The following ANO2 variants were observed in gnomAD, a reference collection of about 807,000 sequenced individuals.
The protein encoded by ANO2 is anoctamin 2.
A neutral mutation model predicts 124.2 loss-of-function variants in ANO2; 101 were observed. The observed-to-expected ratio is 0.81, with a 90% CI of 0.69 to 0.96. The LOEUF (loss-of-function observed/expected upper bound fraction) is 0.96, where lower values mean the gene tolerates loss of function less well. ANO2 is among the 40% of genes least tolerant of loss of function. The pLI, the probability that ANO2 is intolerant of heterozygous loss-of-function variation, is 0.00. For missense variants in ANO2, 1,293 were observed against 1,274.5 expected, an observed-to-expected ratio of 1.01 and a Z score of -0.22; for synonymous variants, 486 against 482.5, an observed-to-expected ratio of 1.01 and a Z score of -0.09.
chr12:5,804,339 T>C (rs1346440454), intron 9 of ANO2, among the ~76,000 whole-genome samples: 1 of 152,182 alleles, frequency 6.6e-6, no homozygotes, highest in Admixed American at 6.5e-5. Context: ...CAGCACTAGC[T>C]GGGATTTGGA....
At chr12:5,945,701 G>A (rs1406422898), upstream of ANO2, among the ~76,000 whole-genome samples, 1 of 152,270 alleles carries the variant, frequency 6.6e-6, no homozygotes, top group Non-Finnish European at 1.5e-5. Flanking sequence ...GGGAGTGGGG[G>A]CGAGCCCCTG....
intron 10 of ANO2, among the ~76,000 whole-genome samples, chr12:5,788,068 G>A (rs1952587501): frequency 6.6e-6 from 1 of 152,186 alleles, no homozygotes; most frequent in Non-Finnish European, 1.5e-5. Context: ...GATGTCAGCA[G>A]GTACCGCAAG....
At chr12:5,873,208 T>TCTCTCG (rs1937836355) in intron 3 of ANO2, among the ~76,000 whole-genome samples, 1 of 57,262 alleles carries the variant, frequency 1.7e-5, no homozygotes, top group Non-Finnish European at 5.0e-5. Context: ...TCTCTCTCTC[T>TCTCTCG]CTCTCTCTCT....
At chr12:5,898,060 AT>A (rs949657286) in intron 3 of ANO2, among the ~76,000 whole-genome samples, 2 of 152,158 alleles carry the variant, frequency 1.3e-5, no homozygotes, top group African/African-American at 4.8e-5. Context: ...GAGACAACCC[AT>A]TTTTTTAATG....
chr12:5,843,361 C>A (rs1397206855), intron 4 of ANO2, among the ~76,000 whole-genome samples: 3 of 151,992 alleles, frequency 2.0e-5, no homozygotes, highest in East Asian at 3.9e-4. Context: ...ACCAGCCTGG[C>A]CAACATGGTG....
intron 10 of ANO2, among the ~76,000 whole-genome samples, chr12:5,796,326 T>A (rs1952846803): frequency 6.8e-6 from 1 of 146,220 alleles, no homozygotes; most frequent in Non-Finnish European, 1.5e-5. Context: ...CTGCTCACAC[T>A]CACACACTCA....
At chr12:5,874,808 A>C (rs1591725729) in intron 3 of ANO2, among the ~76,000 whole-genome samples, 1 of 152,176 alleles carries the variant, frequency 6.6e-6, no homozygotes, top group South Asian at 2.1e-4. Flanking sequence ...TGGAACTCTT[A>C]CCTGCCGACC....
At chr12:5,803,062 T>C (rs563503191) in intron 9 of ANO2, among the ~76,000 whole-genome samples, 5 of 152,308 alleles carry the variant, frequency 3.3e-5, no homozygotes, top group African/African-American at 1.2e-4. Flanking sequence ...TGAAGGTGTG[T>C]GGGACTCATG....
chr12:5,675,310 C>T (rs1023777321), intron 14 of ANO2, among the ~76,000 whole-genome samples: 1 of 152,188 alleles, frequency 6.6e-6, no homozygotes, highest in Non-Finnish European at 1.5e-5. Context: ...CTCTTCCCAT[C>T]GTGCTTCCAT....
chr12:5,781,030 T>A (rs1565663997), intron 10 of ANO2, among the ~76,000 whole-genome samples: 1 of 152,310 alleles, frequency 6.6e-6, no homozygotes, highest in East Asian at 1.9e-4. Context: ...GTGTGAGAGT[T>A]TTGTCTTACT....
At position 5,616,194 on chromosome 12, in the gene ANO2, A is replaced by G. The variant is rs74056070; in HGVS notation, c.1817-897T>C. Among the ~76,000 whole-genome samples, 702 of 152,316 alleles carry G rather than the reference A, an allele frequency of 4.6e-3. 5 individuals are homozygous for G. The highest frequency in any genetic ancestry group is 0.015 in the African/African-American group (623 of 41,574). On this transcript the variant is annotated intron_variant, in intron 16 of 24. Transcript: ENST00000682330. ...GGGATGCTATAACAAGCTACCATAA[A>G]CTGAGTGTTCAAGAAAACCTGGCAT...
intron 20 of ANO2, 101 bp downstream of exon 20, chr12:5,599,383 T>C: frequency 7.3e-7 from 1 of 1,365,698 alleles, no homozygotes. Context: ...AAGCAGAGGC[T>C]GTCCCAGTCA....
chr12:5,937,627 C>T (rs1193377647), intron 1 of ANO2, among the ~76,000 whole-genome samples: 1 of 151,914 alleles, frequency 6.6e-6, no homozygotes, highest in Non-Finnish European at 1.5e-5. Context: ...CATTATCTTC[C>T]TATCGAGGGG....
intron 14 of ANO2, among the ~76,000 whole-genome samples, chr12:5,685,898 G>A (rs1259237458): frequency 2.6e-5 from 4 of 152,194 alleles, no homozygotes; most frequent in Non-Finnish European, 5.9e-5. Flanking sequence ...CCTGGCTTCT[G>A]GAAATAGCTG....
At chr12:5,608,018 C>T (rs1454530237) in intron 19 of ANO2, among the ~76,000 whole-genome samples, 1 of 152,098 alleles carries the variant, frequency 6.6e-6, no homozygotes, top group Non-Finnish European at 1.5e-5. Flanking sequence ...TTCCAGGAAA[C>T]CTGTCCCCTG....
intron 4 of ANO2, among the ~76,000 whole-genome samples, chr12:5,844,879 C>T (rs998405368): frequency 8.2e-6 from 1 of 122,628 alleles, no homozygotes; most frequent in African/African-American, 2.7e-5. Flanking sequence ...GTTTTTACTA[C>T]AAGGCTTCTC....
intron 1 of ANO2, among the ~76,000 whole-genome samples, chr12:5,940,564 C>T (rs1942854490): frequency 6.6e-6 from 1 of 152,158 alleles, no homozygotes; most frequent in African/African-American, 2.4e-5. Flanking sequence ...GGCAAAACCA[C>T]AGTAACACAC....
At chr12:5,892,317 C>G (rs548836978) in intron 3 of ANO2, among the ~76,000 whole-genome samples, 24 of 152,270 alleles carry the variant, frequency 1.6e-4, no homozygotes, top group African/African-American at 5.5e-4. Context: ...ATTAATGCCA[C>G]TGAAGCTCCA....
chr12:5,607,080 A>C (rs1161513672), intron 19 of ANO2, among the ~76,000 whole-genome samples: 1 of 152,024 alleles, frequency 6.6e-6, no homozygotes, highest in Non-Finnish European at 1.5e-5. Context: ...AAAAAAAACA[A>C]ATCTGGCCTT....
Sources: gnomAD v4.1 joint callset for allele counts (sites outside exome capture counted in the v4.1 genomes callset) on GRCh38, gnomAD v4.1.1 for gene constraint, MANE v1.5 for transcripts, NCBI Gene and HGNC (gene_info 2026-07-23, HGNC 2026-07-21) for gene names.